Variants in SCFD2 observed in about 807,000 individuals in gnomAD.
SCFD2 encodes the protein sec1 family domain containing 2.
Under a neutral mutation model 58.9 loss-of-function variants are expected in SCFD2, and 54 were observed. The ratio of observed to expected loss-of-function variants is 0.92; its 90% CI spans 0.74 to 1.15. The LOEUF (loss-of-function observed/expected upper bound fraction) is 1.15, where lower values mean the gene tolerates loss of function less well. SCFD2 is among the 50% of genes most tolerant of loss of function. The pLI is 0.00. For synonymous variants in SCFD2, 321 were observed against 335.9 expected (o/e 0.96, Z 0.49); for missense variants, 805 against 836.6 (o/e 0.96, Z 0.47).
chr4:52,945,324 T>C (rs1361239688), intron 5 of SCFD2, among the ~76,000 whole-genome samples: 2 of 152,158 alleles, frequency 1.3e-5, no homozygotes, highest in Non-Finnish European at 2.9e-5. Flanking sequence ...ATATTTAAAT[T>C]ATTTTTCTTT....
At chr4:53,193,278 A>G (rs6822933) in intron 4 of SCFD2, among the ~76,000 whole-genome samples, 68,492 of 152,048 alleles carry the variant, frequency 0.45, 16,429 homozygotes, top group Admixed American at 0.53. Flanking sequence ...ACCTCCAAGG[A>G]GAATGTAACA....
intron 4 of SCFD2, among the ~76,000 whole-genome samples, chr4:53,260,437 A>C (rs192416207): frequency 1.3e-5 from 2 of 152,296 alleles, no homozygotes; most frequent in East Asian, 3.9e-4. Flanking sequence ...TTAATCACTA[A>C]GGGATGCTGG....
chr4:53,148,758 C>A (rs1726414853), intron 4 of SCFD2, among the ~76,000 whole-genome samples: 1 of 152,118 alleles, frequency 6.6e-6, no homozygotes, highest in African/African-American at 2.4e-5. Context: ...GCCTGTAATT[C>A]CAGTACTTTG....
At chr4:53,219,437 T>C (rs1405344105) in intron 4 of SCFD2, among the ~76,000 whole-genome samples, 1 of 152,192 alleles carries the variant, frequency 6.6e-6, no homozygotes, top group African/African-American at 2.4e-5. Context: ...CTCTGAGCCA[T>C]GCGTGGGATA....
intron 3 of SCFD2, among the ~76,000 whole-genome samples, chr4:53,282,339 A>G (rs1731531799): frequency 6.6e-6 from 1 of 151,580 alleles, no homozygotes; most frequent in Non-Finnish European, 1.5e-5. Flanking sequence ...GATCTTCTAC[A>G]CTTCTTTCTA....
chr4:53,212,514 C>G (rs955776840), intron 4 of SCFD2, among the ~76,000 whole-genome samples: 1 of 150,006 alleles, frequency 6.7e-6, no homozygotes, highest in African/African-American at 2.5e-5. Flanking sequence ...TGCCCATGAA[C>G]AAAGAACCCA....
chr4:53,282,309 T>C (rs1221396699), intron 3 of SCFD2, among the ~76,000 whole-genome samples: 3 of 152,196 alleles, frequency 2.0e-5, no homozygotes, highest in Non-Finnish European at 4.4e-5. Context: ...AGATTGCTTC[T>C]GTATGTTTGT....
At chr4:53,253,962 G>C (rs528936335) in intron 4 of SCFD2, among the ~76,000 whole-genome samples, 2 of 150,948 alleles carry the variant, frequency 1.3e-5, no homozygotes, top group East Asian at 3.9e-4. Context: ...TGGAGCTGGA[G>C]GTCATTATCC....
At chr4:53,292,509 C>T (rs1731874437) in intron 3 of SCFD2, among the ~76,000 whole-genome samples, 1 of 152,122 alleles carries the variant, frequency 6.6e-6, no homozygotes, top group Admixed American at 6.6e-5. Flanking sequence ...GAGATACAAT[C>T]TCATGCCAGC....
At chr4:53,058,373 A>G (rs1314547660) in intron 5 of SCFD2, among the ~76,000 whole-genome samples, 1 of 152,180 alleles carries the variant, frequency 6.6e-6, no homozygotes, top group African/African-American at 2.4e-5. Flanking sequence ...TATATCAGAC[A>G]GTCAGACAAC....
intron 8 of SCFD2, among the ~76,000 whole-genome samples, chr4:52,876,278 T>C (rs1359339444): frequency 2.0e-5 from 3 of 152,188 alleles, no homozygotes; most frequent in African/African-American, 7.2e-5. Flanking sequence ...CAGGAAGTGC[T>C]CAGCAACTGT....
At chr4:52,893,443 G>T (rs951373268) in intron 7 of SCFD2, among the ~76,000 whole-genome samples, 1 of 152,124 alleles carries the variant, frequency 6.6e-6, no homozygotes, top group Non-Finnish European at 1.5e-5. Flanking sequence ...ACCATCCAAG[G>T]ACCTGACATC....
chr4:53,020,798 C>T (rs984621214), intron 5 of SCFD2, among the ~76,000 whole-genome samples: 17 of 152,284 alleles, frequency 1.1e-4, no homozygotes, highest in African/African-American at 3.8e-4. Context: ...ATGGATTAAA[C>T]AAGATGGAGC....
chr4:53,276,726 G>A (rs1022304536), intron 3 of SCFD2, among the ~76,000 whole-genome samples: 1 of 152,094 alleles, frequency 6.6e-6, no homozygotes, highest in African/African-American at 2.4e-5. Context: ...TTTAGTTTAA[G>A]CACATGTTTA....
At chr4:53,354,832 T>C (rs760951113) in intron 1 of SCFD2, among the ~76,000 whole-genome samples, 3 of 133,414 alleles carry the variant, frequency 2.2e-5, no homozygotes, top group African/African-American at 5.0e-5. Flanking sequence ...CTCACTCTGT[T>C]GCCCAAGCTG....
At chr4:53,013,388 A>G (rs1430919983) in intron 5 of SCFD2, among the ~76,000 whole-genome samples, 2 of 152,224 alleles carry the variant, frequency 1.3e-5, no homozygotes, top group Non-Finnish European at 2.9e-5. Context: ...TCCTTTCACT[A>G]TAAATGTCAC....
intron 5 of SCFD2, among the ~76,000 whole-genome samples, chr4:52,922,601 C>G (rs529337054): frequency 6.6e-6 from 1 of 152,088 alleles, no homozygotes; most frequent in Non-Finnish European, 1.5e-5. Flanking sequence ...TTTTATATAT[C>G]GACTTATCGG....
At chr4:53,077,761 T>C (rs574145977) in intron 5 of SCFD2, among the ~76,000 whole-genome samples, 2 of 152,190 alleles carry the variant, frequency 1.3e-5, no homozygotes, top group Non-Finnish European at 2.9e-5. Context: ...TTTCTAATAA[T>C]AATAAATGAA....
chr4:53,183,537 G>C (rs901498637), intron 4 of SCFD2, among the ~76,000 whole-genome samples: 20 of 151,972 alleles, frequency 1.3e-4, no homozygotes, highest in Non-Finnish European at 2.2e-4. Context: ...AGCATTAGGA[G>C]ATATACCTAA....
Sources: allele counts gnomAD v4.1 joint callset (sites outside exome capture counted in the v4.1 genomes callset), GRCh38; gene constraint gnomAD v4.1.1; transcripts MANE v1.5; gene names NCBI Gene and HGNC (gene_info 2026-07-23, HGNC 2026-07-21).